The following ARHGAP24 variants were observed in gnomAD, a reference collection of about 807,000 sequenced individuals.
ARHGAP24 encodes the protein rho GTPase-activating protein 24.
A neutral mutation model predicts 76.4 loss-of-function variants in ARHGAP24; 50 were observed. That is an observed-to-expected ratio of 0.65 (90% CI 0.52 to 0.83). The LOEUF is 0.83. Among genes scored for constraint, ARHGAP24 ranks in the 40% least tolerant of loss-of-function variants. ARHGAP24 has a pLI of 0.00. For synonymous variants in ARHGAP24, 345 were observed against 323.3 expected, an observed-to-expected ratio of 1.07 and a Z score of -0.72; for missense variants, 930 against 914.2, an observed-to-expected ratio of 1.02 and a Z score of -0.22.
chr4:85,755,679 C>T (rs1420409469), intron 3 of ARHGAP24, among the ~76,000 whole-genome samples: 1 of 141,010 alleles, frequency 7.1e-6, no homozygotes, highest in Non-Finnish European at 1.5e-5. Flanking sequence ...GTTGCCCAGG[C>T]TGGAGTGCAA....
At chr4:85,475,699 G>GATCGCA (rs1560501114) in intron 1 of ARHGAP24, 140 bp downstream of exon 1, 5 of 55,350 alleles carry the variant, frequency 9.0e-5, no homozygotes, top group Non-Finnish European at 9.4e-5. Context: ...GGCGGGGAGG[G>GATCGCA]GGCTGCGGGG....
chr4:85,803,107 T>C (rs1283828360), intron 3 of ARHGAP24, among the ~76,000 whole-genome samples: 3 of 152,198 alleles, frequency 2.0e-5, no homozygotes. Flanking sequence ...TTAAGGTATA[T>C]AAATTGTCTG....
intron 5 of ARHGAP24, among the ~76,000 whole-genome samples, chr4:85,947,089 T>A (rs954695274): frequency 6.6e-6 from 1 of 152,230 alleles, no homozygotes; most frequent in Non-Finnish European, 1.5e-5. Flanking sequence ...TTGGTGATGA[T>A]GAGCATTTTT....
At chr4:85,825,442 G>GA (rs989478757) in intron 3 of ARHGAP24, among the ~76,000 whole-genome samples, 5 of 152,080 alleles carry the variant, frequency 3.3e-5, no homozygotes, top group African/African-American at 1.2e-4. Flanking sequence ...CACTACAGTT[G>GA]AAAAAAAGTG....
intron 2 of ARHGAP24, among the ~76,000 whole-genome samples, chr4:85,624,721 T>C (rs1011610216): frequency 1.3e-5 from 2 of 152,180 alleles, no homozygotes; most frequent in African/African-American, 4.8e-5. Flanking sequence ...TTTTGGTTGG[T>C]AAGCTATTGA....
rs149548106 is a variant in ARHGAP24 at position 85,742,678 on chromosome 4, A to G, written c.268+20706A>G. On this transcript the variant is annotated intron_variant, in intron 3 of 9. Transcript: ENST00000395184. ...AAACTGAGGTTTGTGACAAGGTTCA[A>G]TCCCTGATTTCTGTGACTCCAAAGT... Among the ~76,000 whole-genome samples the G allele has an allele frequency of 3.3e-3, 506 of 152,332 alleles. 3 individuals carry two copies. The highest frequency in any genetic ancestry group is 0.012 in the African/African-American group (479 of 41,574).
chr4:85,700,657 A>G (rs1453156420), intron 2 of ARHGAP24, among the ~76,000 whole-genome samples: 1 of 152,104 alleles, frequency 6.6e-6, no homozygotes, highest in Non-Finnish European at 1.5e-5. Context: ...TGTGTGTTAG[A>G]TATCCAAGTA....
intron 2 of ARHGAP24, among the ~76,000 whole-genome samples, chr4:85,688,355 C>T (rs1723507608): frequency 6.6e-6 from 1 of 152,042 alleles, no homozygotes; most frequent in East Asian, 1.9e-4. Context: ...TGTTTGTTGG[C>T]CACTTATATG....
intron 3 of ARHGAP24, among the ~76,000 whole-genome samples, chr4:85,859,714 T>G (rs1731781015): frequency 6.6e-6 from 1 of 152,134 alleles, no homozygotes; most frequent in South Asian, 2.1e-4. Flanking sequence ...TTTACTAATT[T>G]ATTCTTCCAT....
intron 2 of ARHGAP24, among the ~76,000 whole-genome samples, chr4:85,697,835 C>T (rs373164114): frequency 6.6e-6 from 1 of 152,074 alleles, no homozygotes; most frequent in Admixed American, 6.6e-5. Flanking sequence ...GAAAGGGAAG[C>T]CTGCCTTGAC....
intron 3 of ARHGAP24, among the ~76,000 whole-genome samples, chr4:85,898,019 A>C (rs181959237): frequency 5.8e-4 from 69 of 119,604 alleles, no homozygotes; most frequent in African/African-American, 2.2e-3. Flanking sequence ...ATATATATAC[A>C]CACACATATA....
At chr4:85,832,711 A>T (rs1202079016) in intron 3 of ARHGAP24, among the ~76,000 whole-genome samples, 4 of 152,208 alleles carry the variant, frequency 2.6e-5, no homozygotes, top group Non-Finnish European at 5.9e-5. Context: ...CCATTTAGAA[A>T]AAAAGTACCA....
At chr4:85,997,591 G>A (rs1740755083) in intron 9 of ARHGAP24, among the ~76,000 whole-genome samples, 1 of 151,866 alleles carries the variant, frequency 6.6e-6, no homozygotes. Context: ...ATGGTTTTTA[G>A]TTTTGAAACA....
chr4:86,002,581 A>G lies in ARHGAP24; in HGVS notation c.*1859A>G, dbSNP rs925510320. On this transcript the variant is annotated 3_prime_UTR_variant, in exon 10 of 10. Coordinates refer to ENST00000395184, the MANE Select transcript of ARHGAP24 (RefSeq NM_001025616.3). The stretch of plus-strand genomic sequence containing the variant: ...TTCAAACTGCTTGGGTTCAAATGGT[A>G]TACAATTTGCCAGCTGTTACTGAAC... 16 of 152,152 alleles carry G rather than the reference A, an allele frequency of 1.1e-4. No homozygotes were observed. The highest frequency in any genetic ancestry group is 3.6e-4 in the African/African-American group (15 of 41,422). 9.4% of individuals were successfully genotyped at this position (152,152 alleles called of 1,614,324 possible). A position where few individuals can be genotyped will look rare whatever the true frequency, so the allele number is the denominator to read the frequency against.
At chr4:85,749,763 C>G (rs372513462) in intron 3 of ARHGAP24, among the ~76,000 whole-genome samples, 3 of 152,222 alleles carry the variant, frequency 2.0e-5, no homozygotes, top group East Asian at 1.9e-4. Flanking sequence ...GACAGGATTT[C>G]CCCATGTTGG....
At chr4:85,627,658 G>A (rs1721009584) in intron 2 of ARHGAP24, among the ~76,000 whole-genome samples, 1 of 152,336 alleles carries the variant, frequency 6.6e-6, no homozygotes, top group Non-Finnish European at 1.5e-5. Flanking sequence ...TCTGTGCCCT[G>A]CCCCCAGAAG....
At chr4:85,833,936 T>C (rs1730128684) in intron 3 of ARHGAP24, among the ~76,000 whole-genome samples, 1 of 152,248 alleles carries the variant, frequency 6.6e-6, no homozygotes, top group Non-Finnish European at 1.5e-5. Context: ...TTGAAATCCA[T>C]GAGCAAGTTG....
chr4:85,832,748 G>A (rs990509282), intron 3 of ARHGAP24, among the ~76,000 whole-genome samples: 3 of 152,182 alleles, frequency 2.0e-5, no homozygotes. Context: ...AATGGTTGAA[G>A]GTTTAGGTGT....
intron 5 of ARHGAP24, among the ~76,000 whole-genome samples, chr4:85,960,690 A>G (rs1470023123): frequency 1.3e-5 from 2 of 152,146 alleles, no homozygotes. Flanking sequence ...GCTTGTTTCT[A>G]TAGATTAGAA....
Sources: gnomAD v4.1 joint callset for allele counts (sites outside exome capture counted in the v4.1 genomes callset) on GRCh38, gnomAD v4.1.1 for gene constraint, MANE v1.5 for transcripts, NCBI Gene and HGNC (gene_info 2026-07-23, HGNC 2026-07-21) for gene names.